The following GAS7 variants were observed in gnomAD, a reference collection of about 807,000 sequenced individuals.
GAS7 encodes the protein growth arrest specific 7.
In GAS7, 28 loss-of-function variants were observed where a neutral mutation model predicts 71.1. The ratio of observed to expected loss-of-function variants is 0.39; its 90% confidence interval spans 0.29 to 0.54. GAS7 has a LOEUF of 0.54. GAS7 is among the 20% of genes least tolerant of loss of function. The probability of loss-of-function intolerance (pLI) is 0.62; values close to 1 mark genes in which losing one functional copy is unlikely to be tolerated. For missense variants in GAS7, 436 were observed against 627.8 expected (o/e 0.69, Z 3.27); for synonymous variants, 258 against 245.8 (o/e 1.05, Z -0.46).
chr17:10,036,651 A>G, intron 1 of GAS7: 1 of 1,429,986 alleles, frequency 7.0e-7, no homozygotes, highest in Non-Finnish European at 9.1e-7. Context: ...GTTCTTTCAC[A>G]AAGAACCCAC....
intron 2 of GAS7, among the ~76,000 whole-genome samples, chr17:10,004,853 T>C (rs2071405454): frequency 6.6e-6 from 1 of 151,944 alleles, no homozygotes. Context: ...CTACAAAAAA[T>C]ACAAAAATTA....
rs1292161791 is a variant in GAS7, at chr17:10,112,777, G to GAAAGAAAGAA, written c.183+85430_183+85431insTTCTTTCTTT. On this transcript the variant is annotated intron_variant, in intron 1 of 13. Coordinates refer to ENST00000432992, the MANE Select transcript of GAS7 (RefSeq NM_201433.2). ...AGAAAAGAAAAAAGAAAGAAAGAAA[G>GAAAGAAAGAA]AGAGAAAGAGAAAGAAAGAAAAGAA... is the stretch of plus-strand genomic sequence containing the variant. Among the ~76,000 whole-genome samples, 383 of 46,888 alleles carry GAAAGAAAGAA rather than the reference G, an allele frequency of 8.2e-3. 3 individuals are homozygous for GAAAGAAAGAA. Among genetic ancestry groups the GAAAGAAAGAA allele is most frequent in the Non-Finnish European group, 0.016 (300 of 19,108 alleles). The allele number at this position is 46,888 out of a possible 152,430, so 30.8% of individuals were successfully genotyped here. A position where few individuals can be genotyped will look rare whatever the true frequency, so the allele number is the denominator to read the frequency against.
chr17:9,978,738 T>A (rs1276777504), intron 3 of GAS7, among the ~76,000 whole-genome samples: 1 of 152,118 alleles, frequency 6.6e-6, no homozygotes, highest in Admixed American at 6.6e-5. Context: ...TATTAATATG[T>A]CAGGGGAAAA....
chr17:10,136,242 G>C (rs1252973181), intron 1 of GAS7, among the ~76,000 whole-genome samples: 1 of 152,168 alleles, frequency 6.6e-6, no homozygotes, highest in African/African-American at 2.4e-5. Context: ...GGTGAGTGGG[G>C]AGCCACTTCC....
intron 1 of GAS7, among the ~76,000 whole-genome samples, chr17:10,176,095 G>C (rs1032137718): frequency 1.3e-5 from 2 of 152,200 alleles, no homozygotes; most frequent in African/African-American, 2.4e-5. Context: ...AACACACCTC[G>C]AGCCTTAGAG....
chr17:10,005,050 T>TATATATATATATATATATACACACAC (rs1296844463), intron 2 of GAS7, among the ~76,000 whole-genome samples: 3 of 150,158 alleles, frequency 2.0e-5, no homozygotes, highest in African/African-American at 7.5e-5. Context: ...TACATATATA[T>TATATATATATATATATATACACACAC]ACACATATAT....
chr17:10,003,067 A>G (rs2071333514), intron 2 of GAS7, among the ~76,000 whole-genome samples: 1 of 152,250 alleles, frequency 6.6e-6, no homozygotes, highest in Admixed American at 6.5e-5. Context: ...CTGGCGAATT[A>G]GAACTTGGAC....
intron 1 of GAS7, among the ~76,000 whole-genome samples, chr17:10,053,633 C>G (rs2073093871): frequency 6.6e-6 from 1 of 151,996 alleles, no homozygotes; most frequent in Non-Finnish European, 1.5e-5. Context: ...CTGTGGAGCC[C>G]ACAGATGCAA....
At position 10,181,083 on chromosome 17, in the gene GAS7, G is replaced by A. The variant is rs941665782; in HGVS notation, c.183+17125C>T. ...GGGTGGCAGTGCGGGGGTGGCGGTGGGGGCACGGTGGCTCACGCCTGTAAT... is the reference window on the plus strand; with the variant it reads ...GGGTGGCAGTGCGGGGGTGGCGGTGAGGGCACGGTGGCTCACGCCTGTAAT... On this transcript the variant is annotated intron_variant, in intron 1 of 13. Transcript: ENST00000432992. Among the ~76,000 whole-genome samples, 29 of 146,878 alleles carry A rather than the reference G, an allele frequency of 2.0e-4. 1 individual carries two copies. The highest frequency in any genetic ancestry group is 2.9e-4 in the Non-Finnish European group (19 of 66,214).
At chr17:10,124,845 G>A (rs2073932298) in intron 1 of GAS7, among the ~76,000 whole-genome samples, 1 of 152,110 alleles carries the variant, frequency 6.6e-6, no homozygotes, top group South Asian at 2.1e-4. Context: ...TTGAACCCGG[G>A]AGGTGGAGGT....
chr17:10,097,407 G>GT (rs1461181163), intron 1 of GAS7, among the ~76,000 whole-genome samples: 1 of 152,192 alleles, frequency 6.6e-6, no homozygotes, highest in Non-Finnish European at 1.5e-5. Context: ...GCTCTGCCAG[G>GT]TATAGATCTT....
At chr17:9,943,751 T>C (rs1004748726) in intron 6 of GAS7, among the ~76,000 whole-genome samples, 1 of 152,040 alleles carries the variant, frequency 6.6e-6, no homozygotes, top group Admixed American at 6.5e-5. Flanking sequence ...GAAAAGTAAA[T>C]CATAGAGAGA....
chr17:10,116,891 G>A (rs1024111399), intron 1 of GAS7, among the ~76,000 whole-genome samples: 1 of 151,982 alleles, frequency 6.6e-6, no homozygotes, highest in Non-Finnish European at 1.5e-5. Flanking sequence ...AAATGATGAG[G>A]GGGGGAAAAG....
intron 1 of GAS7, among the ~76,000 whole-genome samples, chr17:10,138,076 C>T (rs2074053172): frequency 6.6e-6 from 1 of 152,066 alleles, no homozygotes; most frequent in African/African-American, 2.4e-5. Flanking sequence ...CATTCTCCTG[C>T]CTCAGCCTCC....
At chr17:9,970,871 C>T (rs950861131) in intron 3 of GAS7, among the ~76,000 whole-genome samples, 3 of 152,148 alleles carry the variant, frequency 2.0e-5, no homozygotes, top group East Asian at 1.9e-4. Context: ...CCTGACATCA[C>T]GAATTCACAC....
intron 1 of GAS7, among the ~76,000 whole-genome samples, chr17:10,152,623 G>A (rs530846325): frequency 1.4e-4 from 22 of 152,280 alleles, no homozygotes; most frequent in African/African-American, 5.3e-4. Flanking sequence ...GTGTGCAAGG[G>A]GCCATGTTAA....
At chr17:10,022,543 C>T (rs983561111) in intron 1 of GAS7, among the ~76,000 whole-genome samples, 27 of 152,180 alleles carry the variant, frequency 1.8e-4, no homozygotes, top group African/African-American at 6.5e-4. Flanking sequence ...CTGCCTGGAC[C>T]GCTTGACAGC....
At chr17:10,036,674 T>C (rs1391764117) in intron 1 of GAS7, 2 of 1,352,676 alleles carry the variant, frequency 1.5e-6, no homozygotes, top group East Asian at 5.5e-5. Flanking sequence ...CATTGCATAG[T>C]TCCTTCCAAA....
At chr17:10,063,966 A>C (rs2073249993) in intron 1 of GAS7, among the ~76,000 whole-genome samples, 1 of 152,038 alleles carries the variant, frequency 6.6e-6, no homozygotes, top group African/African-American at 2.4e-5. Flanking sequence ...TGCCAAAGAG[A>C]GCACCATTTT....
Sources: allele counts gnomAD v4.1 joint callset (sites outside exome capture counted in the v4.1 genomes callset), GRCh38; gene constraint gnomAD v4.1.1; transcripts MANE v1.5; gene names NCBI Gene and HGNC (gene_info 2026-07-23, HGNC 2026-07-21).